The following NCAM2 variants were observed in gnomAD, a reference collection of about 807,000 sequenced individuals.
The protein encoded by NCAM2 is neural cell adhesion molecule 2, also known as N-CAM-2.
NCAM2 carries 30 observed loss-of-function variants against 98.1 expected under a neutral mutation model. The observed-to-expected ratio is 0.31, with a 90% confidence interval of 0.23 to 0.41. The LOEUF (loss-of-function observed/expected upper bound fraction) is 0.41. Ranked by LOEUF, NCAM2 falls within the 10% of genes least tolerant of loss-of-function variation. The pLI, the probability that NCAM2 is intolerant of heterozygous loss-of-function variation, is 1.00. For missense variants in NCAM2, 867 were observed against 1,005.8 expected (o/e 0.86, Z 1.87); for synonymous variants, 368 against 342.4 (o/e 1.07, Z -0.83).
At chr21:21,084,152 G>A (rs2065864286) in intron 1 of NCAM2, among the ~76,000 whole-genome samples, 1 of 152,138 alleles carries the variant, frequency 6.6e-6, no homozygotes, top group Admixed American at 6.5e-5. Flanking sequence ...GGGGCCAGGA[G>A]GCTCTCTGGA....
intron 1 of NCAM2, among the ~76,000 whole-genome samples, chr21:21,193,436 G>GA (rs1310960755): frequency 6.7e-6 from 1 of 149,546 alleles, no homozygotes; most frequent in African/African-American, 2.5e-5. Context: ...AAACAAAAGT[G>GA]AAAAACCTCA....
At chr21:21,016,236 C>T (rs888299501) in intron 1 of NCAM2, among the ~76,000 whole-genome samples, 5 of 152,092 alleles carry the variant, frequency 3.3e-5, no homozygotes, top group East Asian at 3.9e-4. Flanking sequence ...AATCAAATGA[C>T]GTGTCCATCT....
intron 13 of NCAM2, among the ~76,000 whole-genome samples, chr21:21,467,739 C>T (rs1361736612): frequency 7.5e-6 from 1 of 134,170 alleles, no homozygotes; most frequent in African/African-American, 2.9e-5. Flanking sequence ...GTACTCCCAG[C>T]TACTTGGGAG....
intron 15 of NCAM2, among the ~76,000 whole-genome samples, chr21:21,503,346 A>G (rs1320424573): frequency 6.6e-6 from 1 of 151,944 alleles, no homozygotes; most frequent in Admixed American, 6.6e-5. Flanking sequence ...AAGTAAAATA[A>G]GGGTTATTGA....
chr21:21,362,409 A>T (rs1354259569), intron 8 of NCAM2, among the ~76,000 whole-genome samples: 1 of 149,768 alleles, frequency 6.7e-6, no homozygotes, highest in African/African-American at 2.5e-5. Context: ...TTTTTTTTAA[A>T]CCTGAAACAG....
chr21:21,211,595 AAAAAC>A (rs778651664), intron 1 of NCAM2, among the ~76,000 whole-genome samples: 11 of 152,204 alleles, frequency 7.2e-5, no homozygotes, highest in Non-Finnish European at 1.3e-4. Flanking sequence ...ATGCTGCAGG[AAAAAC>A]AAAACAAACA....
At chr21:21,268,307 A>C (rs1480920448) in intron 1 of NCAM2, among the ~76,000 whole-genome samples, 2 of 152,178 alleles carry the variant, frequency 1.3e-5, no homozygotes, top group South Asian at 4.1e-4. Flanking sequence ...CTGAAGCTAC[A>C]TTGTGCTGCA....
chr21:21,483,233 G>A (rs965676507), intron 15 of NCAM2, among the ~76,000 whole-genome samples: 7 of 151,654 alleles, frequency 4.6e-5, no homozygotes, highest in Non-Finnish European at 7.4e-5. Context: ...TTTTAATATT[G>A]ACTATCAATA....
At chr21:21,307,639 T>G (rs904897011) in intron 5 of NCAM2, among the ~76,000 whole-genome samples, 1 of 152,180 alleles carries the variant, frequency 6.6e-6, no homozygotes, top group African/African-American at 2.4e-5. Context: ...TTTCTTCTGT[T>G]GGACTGAGGT....
At chr21:21,413,498 C>T (rs2076928285) in intron 10 of NCAM2, among the ~76,000 whole-genome samples, 2 of 152,106 alleles carry the variant, frequency 1.3e-5, no homozygotes, top group Non-Finnish European at 2.9e-5. Flanking sequence ...TAGCTGGATA[C>T]AGATATACCT....
intron 1 of NCAM2, among the ~76,000 whole-genome samples, chr21:21,112,534 T>G (rs2066474968): frequency 6.6e-6 from 1 of 152,164 alleles, no homozygotes; most frequent in African/African-American, 2.4e-5. Flanking sequence ...CAAAATGAAC[T>G]GAAATGTTTC....
rs558214469 is a variant in NCAM2 at position 21,361,195 on chromosome 21, A to C, written c.1045-12668A>C. On this transcript the variant is annotated intron_variant, in intron 8 of 17. Coordinates refer to ENST00000400546, the MANE Select transcript of NCAM2 (RefSeq NM_004540.5). Reference sequence around the variant, plus strand: ...TAATCATACCTCATTGATCATTACCATAACTTTTAAAGCTATTCTTATTTC... The same window carrying C: ...TAATCATACCTCATTGATCATTACCCTAACTTTTAAAGCTATTCTTATTTC... Among the ~76,000 whole-genome samples the C allele has an allele frequency of 9.9e-5, 15 of 152,160 alleles. 1 individual carries two copies. The South Asian group carries it at 2.7e-3, about 27-fold the overall frequency.
intron 9 of NCAM2, among the ~76,000 whole-genome samples, chr21:21,395,077 A>G (rs1294445813): frequency 6.6e-6 from 1 of 152,126 alleles, no homozygotes; most frequent in Non-Finnish European, 1.5e-5. Context: ...CACACCTGTA[A>G]TCCCAACACT....
intron 11 of NCAM2, among the ~76,000 whole-genome samples, chr21:21,422,738 T>C (rs550123008): frequency 6.6e-6 from 1 of 152,294 alleles, no homozygotes; most frequent in South Asian, 2.1e-4. Flanking sequence ...CAAATACGTA[T>C]ATATTTTAAG....
chr21:21,171,250 C>T (rs1275603242), intron 1 of NCAM2, among the ~76,000 whole-genome samples: 1 of 152,044 alleles, frequency 6.6e-6, no homozygotes, highest in Non-Finnish European at 1.5e-5. Flanking sequence ...ACTACAAATG[C>T]CTATGCAGCA....
intron 1 of NCAM2, among the ~76,000 whole-genome samples, chr21:21,084,534 A>G (rs910895012): frequency 6.6e-6 from 1 of 152,212 alleles, no homozygotes; most frequent in Non-Finnish European, 1.5e-5. Flanking sequence ...AAAATGTTAT[A>G]TAAGTAGAGT....
chr21:21,087,299 T>G (rs2065924290), intron 1 of NCAM2, among the ~76,000 whole-genome samples: 1 of 152,176 alleles, frequency 6.6e-6, no homozygotes, highest in Non-Finnish European at 1.5e-5. Flanking sequence ...TGACTTGTAC[T>G]TTTGCCAATT....
intron 16 of NCAM2, among the ~76,000 whole-genome samples, chr21:21,532,302 C>T (rs1478088620): frequency 2.0e-5 from 3 of 151,782 alleles, no homozygotes; most frequent in Non-Finnish European, 4.4e-5. Context: ...CAATTATATA[C>T]AGTTAGTATA....
chr21:21,493,757 C>G (rs977699969), intron 15 of NCAM2, among the ~76,000 whole-genome samples: 2 of 151,900 alleles, frequency 1.3e-5, no homozygotes, highest in Admixed American at 6.6e-5. Context: ...GACCTTTTTA[C>G]TATTTCCTAG....
Sources: gnomAD v4.1 joint callset for allele counts (sites outside exome capture counted in the v4.1 genomes callset) on GRCh38, gnomAD v4.1.1 for gene constraint, MANE v1.5 for transcripts, NCBI Gene and HGNC (gene_info 2026-07-23, HGNC 2026-07-21) for gene names.